The following ZNF185 variants were observed in gnomAD, a reference collection of about 807,000 sequenced individuals.
ZNF185 encodes the protein zinc finger protein 185 with LIM domain, also known as zinc finger protein 185.
A neutral mutation model predicts 58.6 loss-of-function variants in ZNF185; 56 were observed. The observed-to-expected ratio is 0.95, with a 90% CI of 0.77 to 1.19. The LOEUF is 1.19. Among genes scored for constraint, ZNF185 ranks in the 50% most tolerant of loss-of-function variants. The pLI is 0.00. For missense variants in ZNF185, 627 were observed against 573.5 expected, an observed-to-expected ratio of 1.09 and a Z score of -0.95; for synonymous variants, 230 against 215.9, an observed-to-expected ratio of 1.07 and a Z score of -0.57.
rs551794752 is a variant in ZNF185 at position 152,950,867 on chromosome X, C to T, written c.1409+5403C>T. ...AGTGAATCAGAGTTGTAAAAATTTT[C>T]AAGTAAACATATGAGGTAACATGGT... On this transcript the variant is annotated intron_variant, in intron 16 of 22. Coordinates refer to ENST00000449285, the Ensembl canonical transcript of ZNF185. Among the ~76,000 whole-genome samples, 4 of 111,632 alleles carry T rather than the reference C, an allele frequency of 3.6e-5. No individual in the cohort carries two copies. In the South Asian group the frequency reaches 1.5e-3, roughly 41 times the overall value.
chrX:152,941,887 C>T, intron 15 of ZNF185: 2 of 1,080,727 alleles, frequency 1.9e-6, no homozygotes, highest in East Asian at 3.6e-5. Flanking sequence ...TGGACCGTCG[C>T]CGGCGGGAGG....
chrX:152,941,703 A>C (rs1400901452), intron 15 of ZNF185: 1 of 1,162,846 alleles, frequency 8.6e-7, no homozygotes, highest in African/African-American at 1.8e-5. Context: ...CCGTCCACAA[A>C]GTGAAATGGC....
chrX:152,971,654 G>T (rs1485892406), exon 23 of ZNF185: 1 of 112,051 alleles, frequency 8.9e-6, no homozygotes, highest in Non-Finnish European at 1.9e-5. Context: ...CTTATAATGG[G>T]CCAAGTTGAA....
At chrX:152,931,479 T>TG (rs1257888183) in intron 12 of ZNF185, among the ~76,000 whole-genome samples, 193 bp from the exon 14 acceptor site, 2 of 112,303 alleles carry the variant, frequency 1.8e-5, no homozygotes, top group African/African-American at 6.5e-5. Flanking sequence ...AGGCTGGTCT[T>TG]GAACTCCTGG....
At chrX:152,936,066 C>T (rs188700471) in intron 14 of ZNF185, among the ~76,000 whole-genome samples, 6 of 112,476 alleles carry the variant, frequency 5.3e-5, no homozygotes, top group Admixed American at 2.8e-4. Context: ...AAGTACTTGG[C>T]ATCTATGAAC....
intron 11 of ZNF185, among the ~76,000 whole-genome samples, chrX:152,924,274 C>G (rs1390108881): frequency 9.0e-6 from 1 of 111,005 alleles, no homozygotes; most frequent in Non-Finnish European, 1.9e-5. Context: ...GCCACCATAC[C>G]CAGCTAGTTT....
At chrX:152,910,406 A>G (rs1385657481), upstream of ZNF185, among the ~76,000 whole-genome samples, 1 of 112,264 alleles carries the variant, frequency 8.9e-6, no homozygotes, top group Admixed American at 9.4e-5. Flanking sequence ...TTTTTATGTA[A>G]ATATATTTTG....
chrX:152,946,215 C>T (rs1556895003), intron 16 of ZNF185, among the ~76,000 whole-genome samples: 2 of 112,165 alleles, frequency 1.8e-5, no homozygotes, highest in African/African-American at 6.5e-5. Context: ...AGAGCTAAGA[C>T]TCATATTGCC....
the ZNF185 span, among the ~76,000 whole-genome samples, chrX:152,901,046 A>T: frequency 8.9e-6 from 1 of 111,759 alleles, no homozygotes; most frequent in Non-Finnish European, 1.9e-5. Flanking sequence ...GCAAGGAGTG[A>T]AGTGGGACTA....
chrX:152,964,557 AAG>A (rs1332770943), intron 18 of ZNF185, among the ~76,000 whole-genome samples: 3 of 111,941 alleles, frequency 2.7e-5, no homozygotes, highest in African/African-American at 9.8e-5. Context: ...ACTTTTCACT[AAG>A]GGGATGGTGC....
chrX:152,959,877 C>T lies in ZNF185; in HGVS notation c.1588C>T (p.Arg530Ter), dbSNP rs782760720. ...CAGCGGATCTGAGCAATTCGTCAGA[C>T]GAGAGAGCTGCACCAGCAGGTACGA... Residue 530 changes from arginine to a stop codon, truncating the protein, a stop_gained, in exon 17 of 23, where the codon CGA becomes TGA. Coordinates refer to ENST00000449285, the Ensembl canonical transcript of ZNF185. LOFTEE classifies it high-confidence loss of function. 8.3e-7 allele frequency: 1 copy of T among 1,210,363 alleles called. No homozygotes were observed. The highest frequency in any genetic ancestry group is 2.2e-5 in the Admixed American group (1 of 45,936).
intron 15 of ZNF185, 126 bp downstream of exon 17, chrX:152,938,289 C>A: frequency 3.2e-6 from 2 of 628,331 alleles, no homozygotes; most frequent in Non-Finnish European, 4.8e-6. Context: ...AGGCACATAG[C>A]AAGGGCAGAA....
At position 152,965,538 on chromosome X, in the gene ZNF185, G is replaced by T. The variant is rs782437283; in HGVS notation, c.1799+11G>T. On this transcript the variant is annotated intron_variant, in intron 19 of 22. Coordinates refer to ENST00000449285, the Ensembl canonical transcript of ZNF185. ...TGCACGCTATAGCAAGTAAGAGCGG[G>T]TCCCAAACCCTTCCATGTCGGCCTT... The T allele has an allele frequency of 8.6e-7, 1 of 1,165,971 alleles. No individual in the cohort carries two copies. Among genetic ancestry groups the T allele is most frequent in the African/African-American group, 1.8e-5 (1 of 56,707 alleles).
exon 16 of ZNF185, chrX:152,945,366 T>A: frequency 8.3e-7 from 1 of 1,207,286 alleles, no homozygotes; most frequent in South Asian, 1.8e-5. Flanking sequence ...GAGACCCAGC[T>A]GTACCCGCTC....
At position 152,963,965 on chromosome X, in the gene ZNF185, T is replaced by C. The variant is rs1556912566; in HGVS notation, c.1718+16T>C. ...GCTCTACCACGTAAGAAGGGCTATC[T>C]AGCAACCTGGGAGATGTTCCTCCGC... On this transcript the variant is annotated intron_variant, in intron 18 of 22. Transcript: ENST00000449285. 1 of 1,192,007 alleles carries C rather than the reference T, an allele frequency of 8.4e-7. No homozygotes were observed. The highest frequency in any genetic ancestry group is 3.0e-5 in the East Asian group (1 of 33,778).
In ZNF185 at chrX:152,931,940, T is replaced by C. The variant is rs189803784; in HGVS notation, c.1022+164T>C. On this transcript the variant is annotated intron_variant, in intron 13 of 22. Coordinates refer to ENST00000449285, the Ensembl canonical transcript of ZNF185. ...CCAGTACCTGGGGTACTGCAGGTCT[T>C]TAATGAACATCTGTTGAAAGAAAGA... Among the ~76,000 whole-genome samples, 326 of 112,247 alleles carry C rather than the reference T, an allele frequency of 2.9e-3. 1 individual carries two copies. Among genetic ancestry groups the C allele is most frequent in the Non-Finnish European group, 4.5e-3 (239 of 53,183 alleles).
chrX:152,928,607 T>C (rs201384208), exon 12 of ZNF185: 102 of 1,210,547 alleles, frequency 8.4e-5, no homozygotes, highest in Non-Finnish European at 1.1e-4. Context: ...CGCCTGCAGA[T>C]CCTGACACCC....
chrX:152,902,032 G>C, the ZNF185 span, among the ~76,000 whole-genome samples: 7 of 112,540 alleles, frequency 6.2e-5, no homozygotes, highest in Admixed American at 4.7e-4. Context: ...GGAACTGGGA[G>C]GGTGCCTGCC....
intron 12 of ZNF185, among the ~76,000 whole-genome samples, chrX:152,930,222 CAG>C (rs782794818): frequency 6.8e-4 from 76 of 111,843 alleles, no homozygotes; most frequent in African/African-American, 2.4e-3. Context: ...AGCAGGGGGA[CAG>C]AGAGGGGTGA....
Sources: allele counts gnomAD v4.1 joint callset (sites outside exome capture counted in the v4.1 genomes callset), GRCh38; gene constraint gnomAD v4.1.1; transcripts MANE v1.5; gene names NCBI Gene and HGNC (gene_info 2026-07-23, HGNC 2026-07-21).